ST6GALNAC6: variants seen among roughly 807,000 people sequenced by gnomAD.
ST6GALNAC6 encodes the protein ST6 N-acetylgalactosaminide alpha-2,6-sialyltransferase 6, also known as alpha-N-acetylgalactosaminide alpha-2,6-sialyltransferase 6.
In ST6GALNAC6, 19 loss-of-function variants were observed where a neutral mutation model predicts 34.3. The observed-to-expected ratio is 0.55, with a 90% CI of 0.39 to 0.81. The LOEUF is 0.81. Among genes scored for constraint, ST6GALNAC6 ranks in the 40% least tolerant of loss-of-function variants. ST6GALNAC6 has a pLI of 0.00. For missense variants in ST6GALNAC6, 377 were observed against 467.7 expected (o/e 0.81, Z 1.79); for synonymous variants, 185 against 182.1 (o/e 1.02, Z -0.13).
At chr9:127,899,677 TCGGGGCCG>T (rs887115247), upstream of ST6GALNAC6, 72 of 983,678 alleles carry the variant, frequency 7.3e-5, no homozygotes, top group South Asian at 4.2e-4. Flanking sequence ...GGGCGGAGCC[TCGGGGCCG>T]CGGGTGGCTC....
chr9:127,896,163 C>T, intron 3 of ST6GALNAC6, 79 bp downstream of exon 3: 4 of 1,507,640 alleles, frequency 2.7e-6, no homozygotes, highest in Middle Eastern at 1.7e-4. Context: ...TGGCTGGGGT[C>T]TGAGACAGGT....
chr9:127,896,704 C>A (rs73602387), intron 2 of ST6GALNAC6, among the ~76,000 whole-genome samples: 4 of 152,130 alleles, frequency 2.6e-5, no homozygotes, highest in Non-Finnish European at 2.9e-5. Flanking sequence ...AAAACAACAC[C>A]GCTTGTAGGC....
In ST6GALNAC6 at chr9:127,890,806, C is replaced by T. The variant is rs371684337; in HGVS notation, c.535G>A (p.Val179Met). Residue 179 changes from valine (V) to methionine (M), a missense_variant, in exon 5 of 7, where the codon GTG (valine) becomes ATG (methionine). Val to Met is a conservative substitution (Grantham distance 21). Transcript: ENST00000373146. The surrounding 1 kb of genome is among the most constrained non-coding windows in gnomAD (Gnocchi z 4.3). The stretch of plus-strand genomic sequence containing the variant: ...CTCGGGGGCCCCCAGAAGATGAACA[C>T]GGTTTCAGGGGTCCGGTTGACAAAC... ...QEFVNRTPET[V>M]FIFWGPPSKM... The T allele has an allele frequency of 8.7e-6, 14 of 1,613,458 alleles. No homozygotes were observed. Among genetic ancestry groups the T allele is most frequent in the South Asian group, 3.3e-5 (3 of 91,078 alleles).
Position 127,890,919 on chromosome 9 carries a change from G to A in ST6GALNAC6, c.422C>T (p.Thr141Ile). 6.2e-7 allele frequency: 1 copy of A among 1,614,216 alleles called. No homozygotes were observed. Among genetic ancestry groups the A allele is most frequent in the Non-Finnish European group, 8.5e-7 (1 of 1,180,046 alleles). ...GTTGCCCACATCAGCTGAGTAGCCA[G>A]TGGTGGGTGCATCATTCATGCGGAT... is the stretch of plus-strand genomic sequence containing the variant. The part of the protein sequence containing the change: ...CTIRMNDAPT[T>I]GYSADVGNKT... The change falls in exon 5 of 7, where the codon ACT becomes ATT. Residue 141 changes from threonine (T) to isoleucine (I), a missense_variant. Thr to Ile is a moderately conservative substitution (Grantham distance 89, BLOSUM62 -1). Coordinates refer to ENST00000373146, the MANE Select transcript of ST6GALNAC6 (RefSeq NM_013443.5). This position sits in a 1 kb window ranked among gnomAD's most constrained non-coding sequence, Gnocchi z 4.3.
intron 2 of ST6GALNAC6, 65 bp downstream of exon 2, chr9:127,897,891 T>C: frequency 6.2e-7 from 1 of 1,612,628 alleles, no homozygotes; most frequent in Middle Eastern, 1.7e-4. Context: ...ACAATCCTGC[T>C]CTGAGAAGGC....
At chr9:127,899,743 G>C, upstream of ST6GALNAC6, 1 of 839,158 alleles carries the variant, frequency 1.2e-6, no homozygotes, top group Non-Finnish European at 1.4e-6. Context: ...GGCGGACCCG[G>C]GTGCCGCCGC....
At position 127,887,495 on chromosome 9, in the gene ST6GALNAC6, G is replaced by A. The variant is rs1829852331; in HGVS notation, c.801C>T (p.Pro267=). ...DHVHVYGMVP[P]NYCSQRPRLQ... is the part of the protein sequence containing the mutation. ...CAAGGAGGGCTCACCTGCAGTAGTT[G>A]GGGGGGACCATGCCATAGACATGCA... The change falls in exon 6 of 7, where the codon CCC becomes CCT. Residue 267 remains proline, a synonymous_variant. Transcript: ENST00000373146. 6.2e-7 allele frequency: 1 copy of A among 1,610,396 alleles called. No individual in the cohort carries two copies. The highest frequency in any genetic ancestry group is 8.5e-7 in the Non-Finnish European group (1 of 1,177,824).
rs762027837 is a variant in ST6GALNAC6 at position 127,886,509 on chromosome 9, C to A, written c.*90G>T. 6.5e-7 allele frequency: 1 copy of A among 1,546,522 alleles called. No homozygotes were observed. The highest frequency in any genetic ancestry group is 8.7e-7 in the Non-Finnish European group (1 of 1,146,436). On this transcript the variant is annotated 3_prime_UTR_variant, in exon 7 of 7. Transcript: ENST00000373146. ...TTGGCTGGGAGACACTCCAGCAAGCCTTGATTGGCCAGAAGATGGTCCCTG... is the reference window on the plus strand; with the variant it reads ...TTGGCTGGGAGACACTCCAGCAAGCATTGATTGGCCAGAAGATGGTCCCTG...
At chr9:127,887,051 G>A (rs1829812985) in intron 6 of ST6GALNAC6, among the ~76,000 whole-genome samples, 1 of 151,656 alleles carries the variant, frequency 6.6e-6, no homozygotes, top group Non-Finnish European at 1.5e-5. Context: ...GTGAGCACTG[G>A]AGCCTGGCCC....
chr9:127,903,250 G>T (rs1830824361), upstream of ST6GALNAC6: 1 of 152,020 alleles, frequency 6.6e-6, no homozygotes, highest in Non-Finnish European at 1.5e-5. Context: ...GCCCGCCTCG[G>T]CCTCCTAAAG....
At chr9:127,905,849 A>G, upstream of ST6GALNAC6, 1 of 740,254 alleles carries the variant, frequency 1.4e-6, no homozygotes, top group Non-Finnish European at 1.7e-6. Flanking sequence ...GGGGCCAGAA[A>G]GAAGTCAGGC....
intron 6 of ST6GALNAC6, 89 bp from the exon 7 acceptor site, chr9:127,886,877 A>C: frequency 3.8e-5 from 50 of 1,331,292 alleles, no homozygotes; most frequent in Middle Eastern, 2.5e-4. Flanking sequence ...ATAGGACCTC[A>C]ATAGGAGAAA....
chr9:127,892,256 G>C (rs1830191891), intron 4 of ST6GALNAC6, among the ~76,000 whole-genome samples: 1 of 152,156 alleles, frequency 6.6e-6, no homozygotes, highest in Admixed American at 6.5e-5. Context: ...GCTCATTCCT[G>C]TCCATAGGCT....
At chr9:127,904,347 G>T (rs1287256419), upstream of ST6GALNAC6, 2 of 152,290 alleles carry the variant, frequency 1.3e-5, no homozygotes, top group African/African-American at 4.8e-5. Context: ...AGTCCTCGTG[G>T]GCCTCCCCCC....
Position 127,890,748 on chromosome 9 carries a change from C to T in ST6GALNAC6, c.593G>A (p.Arg198His), listed in dbSNP as rs142159166. ...KMQKPQGSLV[R>H]VIQRAGLVFP... is the part of the protein sequence containing the mutation. ...CACCAGGCCCGCTCGCTGGATCACA[C>T]GCACGAGGCTGCCCTGGGGCTTCTG... Residue 198 changes from arginine (R) to histidine (H), a missense_variant, in exon 5 of 7, where the codon CGT becomes CAT. Coordinates refer to ENST00000373146, the MANE Select transcript of ST6GALNAC6 (RefSeq NM_013443.5). This position sits in a 1 kb window ranked among gnomAD's most constrained non-coding sequence, Gnocchi z 4.3. 2.3e-4 allele frequency: 366 copies of T among 1,613,310 alleles called. 2 individuals are homozygous for T. In the East Asian group the frequency reaches 6.7e-3, roughly 30 times the overall value.
At chr9:127,899,759 G>A (rs781174812), upstream of ST6GALNAC6, 8 of 682,380 alleles carry the variant, frequency 1.2e-5, no homozygotes, top group Non-Finnish European at 1.4e-5. Flanking sequence ...GCCGCCTGGT[G>A]AGCGCCTCGG....
At chr9:127,903,272 C>G (rs1007416582), upstream of ST6GALNAC6, 1 of 152,172 alleles carries the variant, frequency 6.6e-6, no homozygotes, top group Non-Finnish European at 1.5e-5. Flanking sequence ...GCTGGGATTA[C>G]AGGCATCAGC....
chr9:127,903,658 A>C (rs1830834691), upstream of ST6GALNAC6: 1 of 152,174 alleles, frequency 6.6e-6, no homozygotes, highest in Non-Finnish European at 1.5e-5. Flanking sequence ...CCTGAGCCTC[A>C]GACCAAGCTC....
upstream of ST6GALNAC6, among the ~76,000 whole-genome samples, chr9:127,902,101 A>G (rs1020576171): frequency 2.0e-5 from 3 of 152,212 alleles, no homozygotes; most frequent in Non-Finnish European, 4.4e-5. Context: ...ATATTTTAAA[A>G]GATGCAAAAA....
Sources: allele counts gnomAD v4.1 joint callset (sites outside exome capture counted in the v4.1 genomes callset), GRCh38; gene constraint gnomAD v4.1.1; non-coding constraint Gnocchi (gnomAD v3.1); transcripts MANE v1.5; gene names NCBI Gene and HGNC (gene_info 2026-07-23, HGNC 2026-07-21).